The following ERO1A variants were observed in gnomAD, a reference collection of about 807,000 sequenced individuals.
ERO1A encodes ERO1-like protein alpha.
A neutral mutation model predicts 76.9 loss-of-function variants in ERO1A; 49 were observed. That is an observed-to-expected ratio of 0.64 (90% CI 0.51 to 0.81). ERO1A has a LOEUF of 0.81. ERO1A is among the 30% of genes least tolerant of loss of function. ERO1A has a pLI of 0.00. For missense variants in ERO1A, 448 were observed against 542.1 expected (o/e 0.83, Z 1.72); for synonymous variants, 174 against 181.2 (o/e 0.96, Z 0.32).
intron 4 of ERO1A, among the ~76,000 whole-genome samples, chr14:52,674,740 G>A (rs1001823431): frequency 6.6e-6 from 1 of 152,182 alleles, no homozygotes; most frequent in African/African-American, 2.4e-5. Context: ...GGTTTGAATG[G>A]AATGGGTATG....
intron 4 of ERO1A, among the ~76,000 whole-genome samples, chr14:52,675,558 ACT>A (rs1348774120): frequency 6.6e-5 from 10 of 151,796 alleles, no homozygotes; most frequent in African/African-American, 1.9e-4. Context: ...ATGTAAATGT[ACT>A]CTCTGCAGCT....
At position 52,643,053 on chromosome 14, in the gene ERO1A, A is replaced by C. The variant is rs1479052692; in HGVS notation, c.*517T>G. 6.6e-6 allele frequency: 1 copy of C among 152,274 alleles called. No homozygotes were observed. Among genetic ancestry groups the C allele is most frequent in the Non-Finnish European group, 1.5e-5 (1 of 68,016 alleles). The allele number at this position is 152,274 out of a possible 1,614,324, so 9.4% of individuals were successfully genotyped here. On this transcript the variant is annotated 3_prime_UTR_variant, in exon 16 of 16. Transcript: ENST00000395686. Reference sequence around the variant, plus strand: ...AAGTATTTTCCAAATATTCCATGTAAAATATTAAAAAACTAATTGTTTATC... The same window carrying C: ...AAGTATTTTCCAAATATTCCATGTACAATATTAAAAAACTAATTGTTTATC...
intron 7 of ERO1A, 147 bp downstream of exon 7, chr14:52,666,228 T>C: frequency 1.6e-6 from 1 of 643,726 alleles, no homozygotes; most frequent in South Asian, 2.2e-5. Context: ...AGAAGGAAAC[T>C]GGATTAATGA....
chr14:52,671,329 T>C (rs900776540), intron 6 of ERO1A, among the ~76,000 whole-genome samples: 1 of 152,244 alleles, frequency 6.6e-6, no homozygotes, highest in Non-Finnish European at 1.5e-5. Flanking sequence ...CTTTAATTTT[T>C]TTGAGTATAT....
chr14:52,665,538 A>C (rs140389731), intron 7 of ERO1A, among the ~76,000 whole-genome samples: 14 of 152,216 alleles, frequency 9.2e-5, no homozygotes, highest in African/African-American at 3.4e-4. Flanking sequence ...AAAGTGAAAT[A>C]TATAATATTA....
At chr14:52,652,330 A>G (rs1352526245) in intron 12 of ERO1A, 22 bp from the exon 13 acceptor site, 10 of 1,499,230 alleles carry the variant, frequency 6.7e-6, no homozygotes, top group African/African-American at 1.4e-5. Context: ...AACAGAGAAT[A>G]TTCATTTTCA....
chr14:52,646,017 C>T, intron 15 of ERO1A, 137 bp downstream of exon 15: 1 of 996,574 alleles, frequency 1.0e-6, no homozygotes, highest in Non-Finnish European at 1.4e-6. Flanking sequence ...GCCTGGGCTA[C>T]AGACCAAAAC....
chr14:52,694,348 C>CA (rs1294714642), intron 1 of ERO1A, among the ~76,000 whole-genome samples: 4 of 152,078 alleles, frequency 2.6e-5, no homozygotes, highest in Admixed American at 2.6e-4. Context: ...ACACTCACCT[C>CA]AACTCCCAAA....
chr14:52,646,983 T>C (rs1358909363), intron 13 of ERO1A: 2 of 129,978 alleles, frequency 1.5e-5, no homozygotes, highest in Non-Finnish European at 3.3e-5. Flanking sequence ...CTTTTTTTTT[T>C]TTTTTTTTTT....
intron 4 of ERO1A, among the ~76,000 whole-genome samples, chr14:52,675,024 T>C (rs2040732141): frequency 6.6e-6 from 1 of 152,160 alleles, no homozygotes. Context: ...AAAAATAAGA[T>C]GTTCTAATGG....
chr14:52,688,385 C>G (rs1408103094), intron 1 of ERO1A, among the ~76,000 whole-genome samples: 2 of 152,138 alleles, frequency 1.3e-5, no homozygotes, highest in Non-Finnish European at 2.9e-5. Flanking sequence ...CTCTGCCAGT[C>G]ATTAGTTTTT....
intron 11 of ERO1A, 33 bp downstream of exon 11, chr14:52,657,884 G>T: frequency 7.0e-7 from 1 of 1,430,934 alleles, no homozygotes; most frequent in Non-Finnish European, 9.7e-7. Flanking sequence ...AAAATTAAGA[G>T]TGGTAGACTG....
intron 13 of ERO1A, among the ~76,000 whole-genome samples, chr14:52,651,834 A>G (rs1170983070): frequency 2.6e-5 from 4 of 152,092 alleles, no homozygotes; most frequent in African/African-American, 9.7e-5. Context: ...CAATTTTGCA[A>G]TATATAATGC....
Position 52,641,259 on chromosome 14 carries a change from A to G in ERO1A, c.*2311T>C, listed in dbSNP as rs112590273. The G allele has an allele frequency of 6.6e-6, 1 of 152,068 alleles. No homozygotes were observed. Among genetic ancestry groups the G allele is most frequent in the Non-Finnish European group, 1.5e-5 (1 of 68,040 alleles). 9.4% of individuals were successfully genotyped at this position (152,068 alleles called of 1,614,324 possible). On this transcript the variant is annotated 3_prime_UTR_variant, in exon 16 of 16. Transcript: ENST00000395686. ...CAGATTTTAGTTAAGGAGCCAGTAG[A>G]AGGTGACAAAGTAGAGGTAAGAATA...
chr14:52,671,631 A>T lies in ERO1A; in HGVS notation c.507T>A (p.Asp169Glu). 1 of 1,599,066 alleles carries T rather than the reference A, an allele frequency of 6.3e-7. No homozygotes were observed. Among genetic ancestry groups the T allele is most frequent in the Non-Finnish European group, 8.5e-7 (1 of 1,170,056 alleles). The change falls in exon 6 of 16, where the codon GAT becomes GAA. Residue 169 changes from aspartate (D) to glutamate (E), a missense_variant and splice_region_variant. Coordinates refer to ENST00000395686, the MANE Select transcript of ERO1A (RefSeq NM_014584.3). ...TGCATACTATCAAAAATATTATACC[A>T]TCAGCTTCACAGAAGTTATCTGAAG... ...DDSSDNFCEA[D>E]DIQSPEAEYV...
intron 1 of ERO1A, among the ~76,000 whole-genome samples, chr14:52,689,245 C>T (rs1355126035): frequency 1.3e-5 from 2 of 152,204 alleles, no homozygotes; most frequent in African/African-American, 2.4e-5. Context: ...TGAGCCACTG[C>T]GCCCGGCCCT....
At chr14:52,694,703 C>T (rs1038748203) in intron 1 of ERO1A, among the ~76,000 whole-genome samples, 2 of 151,910 alleles carry the variant, frequency 1.3e-5, no homozygotes, top group African/African-American at 4.8e-5. Context: ...GATCATAATC[C>T]GCTTGTAATT....
At position 52,650,061 on chromosome 14, in the gene ERO1A, T is replaced by A. The variant is rs534369678; in HGVS notation, c.1125+2178A>T. ...GTGAGACCCCAACTCAACAAAAAAA[T>A]TTTAAAAGTTAGCAGGGCATAGTGG... On this transcript the variant is annotated intron_variant, in intron 13 of 15. Transcript: ENST00000395686. Among the ~76,000 whole-genome samples, 19 of 151,922 alleles carry A rather than the reference T, an allele frequency of 1.3e-4. No individual in the cohort carries two copies. The South Asian group carries it at 4.0e-3, about 32-fold the overall frequency.
chr14:52,690,868 A>G (rs2041331901), intron 1 of ERO1A, among the ~76,000 whole-genome samples: 1 of 152,114 alleles, frequency 6.6e-6, no homozygotes, highest in African/African-American at 2.4e-5. Context: ...CCCGGATTCA[A>G]GCAATTCTCC....
Sources: gnomAD v4.1 joint callset for allele counts (sites outside exome capture counted in the v4.1 genomes callset) on GRCh38, gnomAD v4.1.1 for gene constraint, MANE v1.5 for transcripts, NCBI Gene and HGNC (gene_info 2026-07-23, HGNC 2026-07-21) for gene names.